ZNF668: variants seen among roughly 807,000 people sequenced by gnomAD.
The protein encoded by ZNF668 is zinc finger protein 668.
Under a neutral mutation model 40.3 loss-of-function variants are expected in ZNF668, and 10 were observed. The observed-to-expected ratio is 0.25, with a 90% confidence interval of 0.15 to 0.42. The LOEUF (loss-of-function observed/expected upper bound fraction) is 0.42, where lower values mean the gene tolerates loss of function less well. Among genes scored for constraint, ZNF668 ranks in the 10% least tolerant of loss-of-function variants. The pLI, the probability that ZNF668 is intolerant of heterozygous loss-of-function variation, is 1.00. For synonymous variants in ZNF668, 428 were observed against 384.6 expected (o/e 1.11, Z -1.32); for missense variants, 749 against 904.6 (o/e 0.83, Z 2.21).
intron 1 of ZNF668, chr16:31,065,237 T>TACCA: frequency 1.4e-6 from 1 of 723,968 alleles, no homozygotes; most frequent in Non-Finnish European, 1.7e-6. Context: ...CCTCCTGGGA[T>TACCA]ACCAGCTCTA....
intron 1 of ZNF668, chr16:31,065,976 A>G: frequency 2.1e-6 from 2 of 975,008 alleles, no homozygotes; most frequent in Non-Finnish European, 2.4e-6. Context: ...TGCTAGGGGA[A>G]ATACAGAGAC....
chr16:31,063,048 C>T (rs972250805), intron 2 of ZNF668, among the ~76,000 whole-genome samples: 1 of 145,582 alleles, frequency 6.9e-6, no homozygotes, highest in African/African-American at 2.5e-5. Flanking sequence ...GAGCCGAGAT[C>T]GCGCCATTGC....
At chr16:31,063,165 TC>T (rs2056948776) in intron 2 of ZNF668, among the ~76,000 whole-genome samples, 2 of 152,138 alleles carry the variant, frequency 1.3e-5, no homozygotes, top group Admixed American at 6.6e-5. Flanking sequence ...GCCTTTTTTT[TC>T]CTGTTCCCCA....
chr16:31,061,445 G>C lies in ZNF668; in HGVS notation c.1483C>G (p.Pro495Ala). Residue 495 changes from proline to alanine, a missense_variant, in exon 3 of 3, where the codon CCT becomes GCT. Pro to Ala is a conservative substitution (Grantham distance 27). This residue lies in a region of ZNF668 where 310 missense variants were observed against 355.1 expected (regional missense o/e 0.87). Transcript: ENST00000300849. The surrounding 1 kb of genome is among the most constrained non-coding windows in gnomAD (Gnocchi z 7.7). ...ECQDAGVREAPGPLEGAGEAG... is the reference protein window; with the variant it reads ...ECQDAGVREAAGPLEGAGEAG... ...TCGCCTGCCCCTTCCAAGGGACCAG[G>C]AGCCTCCCGGACACCAGCATCTTGG... is the stretch of plus-strand genomic sequence containing the variant. 2 of 1,613,812 alleles carry C rather than the reference G, an allele frequency of 1.2e-6. No individual in the cohort carries two copies. The highest frequency in any genetic ancestry group is 1.1e-5 in the South Asian group (1 of 91,088).
intron 1 of ZNF668, chr16:31,069,357 C>G (rs1437865933): frequency 1.3e-5 from 2 of 152,508 alleles, no homozygotes; most frequent in African/African-American, 4.8e-5. Flanking sequence ...GCTCTACCCA[C>G]AGAGGCCTCC....
At chr16:31,067,234 A>G (rs2056986401) in intron 1 of ZNF668, among the ~76,000 whole-genome samples, 1 of 152,102 alleles carries the variant, frequency 6.6e-6, no homozygotes. Flanking sequence ...TAAATAAATA[A>G]ATAAATGATA....
In ZNF668 at chr16:31,061,559, C is replaced by T. The variant is rs1181339820; in HGVS notation, c.1369G>A (p.Ala457Thr). The T allele has an allele frequency of 6.2e-7, 1 of 1,609,422 alleles. No individual in the cohort carries two copies. The highest frequency in any genetic ancestry group is 8.5e-7 in the Non-Finnish European group (1 of 1,179,822). The stretch of plus-strand genomic sequence containing the variant: ...TCCGGGGGCAGCCCTAGCAGCCCTG[C>T]TGGAGGGTCCCCCAGCCCCGCCCCT... ...AAGAGLGDPPAGLLGLPPESG... is the reference protein window; with the variant it reads ...AAGAGLGDPPTGLLGLPPESG... The change falls in exon 3 of 3, where the codon GCA becomes ACA. Residue 457 changes from alanine to threonine, a missense_variant. Ala to Thr is a moderately conservative substitution (Grantham distance 58). Transcript: ENST00000300849. The surrounding 1 kb of genome is among the most constrained non-coding windows in gnomAD (Gnocchi z 7.7).
chr16:31,064,932 G>A (rs2056970477), intron 1 of ZNF668: 1 of 1,358,840 alleles, frequency 7.4e-7, no homozygotes, highest in African/African-American at 1.5e-5. Flanking sequence ...TGAGCCAATG[G>A]GCTAAATCTG....
chr16:31,063,730 G>C (rs1394237305), intron 2 of ZNF668, 83 bp downstream of exon 2: 1 of 1,393,952 alleles, frequency 7.2e-7, no homozygotes, highest in East Asian at 2.5e-5. Flanking sequence ...ACTTTACCCT[G>C]AGACTCAAAC....
intron 1 of ZNF668, chr16:31,068,735 T>C (rs887921486): frequency 6.6e-6 from 1 of 152,172 alleles, no homozygotes; most frequent in African/African-American, 2.4e-5. Context: ...GCCTCCCAAG[T>C]AGCTGGGACT....
chr16:31,064,340 G>C lies in ZNF668; in HGVS notation c.120C>G (p.His40Gln). ...AGTCTGCCGGCCCATGTGTGGCAGC[G>C]TGGCGCGCTGCCCTGGGCGCGTTTG... ...TFPNAPRAARHAATHGPADCS... is the reference protein window; with the variant it reads ...TFPNAPRAARQAATHGPADCS... The change falls in exon 2 of 3, where the codon CAC becomes CAG. Residue 40 changes from histidine to glutamine, a missense_variant. This residue lies in a region of ZNF668 where 159 missense variants were observed against 139.8 expected (regional missense o/e 1.14). Coordinates refer to ENST00000300849, the MANE Select transcript of ZNF668 (RefSeq NM_024706.5). 1 of 1,613,960 alleles carries C rather than the reference G, an allele frequency of 6.2e-7. No homozygotes were observed. Among genetic ancestry groups the C allele is most frequent in the Non-Finnish European group, 8.5e-7 (1 of 1,180,042 alleles).
chr16:31,064,853 C>T (rs1013448066), intron 1 of ZNF668: 154 of 1,436,264 alleles, frequency 1.1e-4, no homozygotes, highest in Non-Finnish European at 1.1e-4. Flanking sequence ...AAAGAGTGTA[C>T]CCAGACGTGG....
chr16:31,061,664 C>T lies in ZNF668; in HGVS notation c.1264G>A (p.Val422Met). Residue 422 changes from valine to methionine, a missense_variant, in exon 3 of 3, where the codon GTG (valine) becomes ATG (methionine). By Grantham distance (21) the Val-to-Met change is conservative (BLOSUM62 1). Coordinates refer to ENST00000300849, the MANE Select transcript of ZNF668 (RefSeq NM_024706.5). The surrounding 1 kb of genome is among the most constrained non-coding windows in gnomAD (Gnocchi z 7.7). ...ACCACCAGCTCCTGTGCAGGGGGCA[C>T]ACCCGCGGCCTCACTGCTTCGATGG... ...RTHRSSEAAG[V>M]PPAQELVVGL... 4 of 1,613,150 alleles carry T rather than the reference C, an allele frequency of 2.5e-6. No individual in the cohort carries two copies. The highest frequency in any genetic ancestry group is 3.4e-6 in the Non-Finnish European group (4 of 1,179,908).
rs776002892 is a variant in ZNF668, at chr16:31,064,336, C to G, written c.124G>C (p.Ala42Pro). Residue 42 changes from alanine to proline, a missense_variant, in exon 2 of 3, where the codon GCC (alanine) becomes CCC (proline). Ala to Pro is a conservative substitution (Grantham distance 27, BLOSUM62 -1). Around this residue, in one of 4 missense-constraint regions of ZNF668, gnomAD observed 159 missense variants for 139.8 expected, o/e 1.14. Coordinates refer to ENST00000300849, the MANE Select transcript of ZNF668 (RefSeq NM_024706.5). ...PNAPRAARHA[A>P]THGPADCSEE... ...GAGCAGTCTGCCGGCCCATGTGTGG[C>G]AGCGTGGCGCGCTGCCCTGGGCGCG... 7 of 1,613,982 alleles carry G rather than the reference C, an allele frequency of 4.3e-6. No homozygotes were observed. The highest frequency in any genetic ancestry group is 5.9e-6 in the Non-Finnish European group (7 of 1,180,046).
intron 1 of ZNF668, among the ~76,000 whole-genome samples, chr16:31,066,515 C>T (rs1219780757): frequency 6.6e-6 from 1 of 152,166 alleles, no homozygotes; most frequent in Non-Finnish European, 1.5e-5. Context: ...TATGATCGTA[C>T]CACTGCGCTC....
chr16:31,072,351 A>C (rs2057020887), intron 1 of ZNF668, among the ~76,000 whole-genome samples: 1 of 152,210 alleles, frequency 6.6e-6, no homozygotes. Flanking sequence ...GGAGTTTGTG[A>C]GAATGTCCAC....
intron 1 of ZNF668, chr16:31,064,751 T>C: frequency 6.6e-7 from 1 of 1,516,614 alleles, no homozygotes; most frequent in South Asian, 1.2e-5. Flanking sequence ...CCAACGGGCT[T>C]TTCCAAACAC....
At chr16:31,070,925 G>GA (rs2057012442) in intron 1 of ZNF668, among the ~76,000 whole-genome samples, 1 of 149,886 alleles carries the variant, frequency 6.7e-6, no homozygotes, top group South Asian at 2.1e-4. Context: ...GCAATGGTGT[G>GA]ATGTCAGTTC....
chr16:31,062,189 C>T lies in ZNF668; in HGVS notation c.739G>A (p.Ala247Thr). 1.2e-6 allele frequency: 2 copies of T among 1,613,758 alleles called. No homozygotes were observed. Among genetic ancestry groups the T allele is most frequent in the East Asian group, 2.2e-5 (1 of 44,872 alleles). The change falls in exon 3 of 3, where the codon GCG becomes ACG. Residue 247 changes from alanine (A) to threonine (T), a missense_variant. Transcript: ENST00000300849. Reference sequence around the variant, plus strand: ...GGGCAGCGGTAGGGCTTCTGTGCCGCGTGGATGCGCTGGTGGCACGTGAGC... The same window carrying T: ...GGGCAGCGGTAGGGCTTCTGTGCCGTGTGGATGCGCTGGTGGCACGTGAGC... ...SSLTCHQRIH[A>T]AQKPYRCPAC...
Sources: allele counts gnomAD v4.1 joint callset (sites outside exome capture counted in the v4.1 genomes callset), GRCh38; gene constraint gnomAD v4.1.1; regional missense constraint gnomAD v4.1.1; non-coding constraint Gnocchi (gnomAD v3.1); transcripts MANE v1.5; gene names NCBI Gene and HGNC (gene_info 2026-07-23, HGNC 2026-07-21).